Variants in LOXHD1 observed in about 807,000 individuals in gnomAD.
LOXHD1 encodes the protein lipoxygenase homology PLAT domains 1, also known as lipoxygenase homology domain-containing protein 1.
LOXHD1 carries 205 observed loss-of-function variants against 248.2 expected under a neutral mutation model. That is an observed-to-expected ratio of 0.83 (90% CI 0.74 to 0.93). The LOEUF is 0.93. Among genes scored for constraint, LOXHD1 ranks in the 40% least tolerant of loss-of-function variants. LOXHD1 has a pLI of 0.00. For missense variants in LOXHD1, 2,930 were observed against 2,971.6 expected (o/e 0.99, Z 0.33); for synonymous variants, 1,113 against 1,162.8 (o/e 0.96, Z 0.87).
intron 5 of LOXHD1, among the ~76,000 whole-genome samples, chr18:46,613,483 A>T (rs1378758930): frequency 6.6e-6 from 1 of 152,036 alleles, no homozygotes; most frequent in East Asian, 1.9e-4. Context: ...TTTGTAGATG[A>T]TCATTATTTT....
chr18:46,639,764 C>A lies in LOXHD1; in HGVS notation c.363G>T (p.Trp121Cys). ...EHDNTGLNAS[W>C]YLDHVIVTDM... ...CGGTCACAATCACATGGTCCAGGTA[C>A]CAGCTGGCATTCAAGCCCGTGTTGT... Residue 121 changes from tryptophan to cysteine, a missense_variant, in exon 4 of 41, where the codon TGG (tryptophan) becomes TGT (cysteine). By Grantham distance (215) the Trp-to-Cys change is radical. Coordinates refer to ENST00000642948, the MANE Select transcript of LOXHD1 (RefSeq NM_001384474.1). 6.4e-7 allele frequency: 1 copy of A among 1,551,712 alleles called. No individual in the cohort carries two copies. Among genetic ancestry groups the A allele is most frequent in the Non-Finnish European group, 8.7e-7 (1 of 1,146,996 alleles).
chr18:46,569,432 G>A lies in LOXHD1; in HGVS notation c.2244+10C>T, dbSNP rs1361370259. 1 of 1,550,658 alleles carries A rather than the reference G, an allele frequency of 6.4e-7. No homozygotes were observed. The highest frequency in any genetic ancestry group is 1.4e-5 in the African/African-American group (1 of 73,142). ...GGATGATGTCACATGGTCTTGGGAA[G>A]GAGACTTACATTTCCAATGTTCAGG... On this transcript the variant is annotated intron_variant, in intron 16 of 40. Coordinates refer to ENST00000642948, the MANE Select transcript of LOXHD1 (RefSeq NM_001384474.1).
chr18:46,581,165 A>G (rs1282534267), intron 12 of LOXHD1, among the ~76,000 whole-genome samples: 6 of 152,230 alleles, frequency 3.9e-5, no homozygotes, highest in African/African-American at 7.2e-5. Context: ...GTCAGTTAGC[A>G]GAATAATTAC....
At chr18:46,503,858 C>T (rs940283711) in intron 37 of LOXHD1, among the ~76,000 whole-genome samples, 40 of 152,092 alleles carry the variant, frequency 2.6e-4, no homozygotes, top group African/African-American at 8.7e-4. Flanking sequence ...TTCTTGACCA[C>T]CTGACACAGT....
chr18:46,618,529 C>T (rs1003503889), intron 4 of LOXHD1, among the ~76,000 whole-genome samples: 7 of 152,162 alleles, frequency 4.6e-5, no homozygotes, highest in Non-Finnish European at 7.3e-5. Context: ...ACATTAGTTC[C>T]AAATGGCCAT....
At chr18:46,543,890 T>A (rs2036678414) in intron 23 of LOXHD1, among the ~76,000 whole-genome samples, 1 of 152,122 alleles carries the variant, frequency 6.6e-6, no homozygotes, top group Non-Finnish European at 1.5e-5. Flanking sequence ...CCTTCAGGGA[T>A]GGGACATGTG....
At chr18:46,583,229 CAG>C (rs1324271489) in intron 12 of LOXHD1, among the ~76,000 whole-genome samples, 1 of 152,020 alleles carries the variant, frequency 6.6e-6, no homozygotes, top group African/African-American at 2.4e-5. Flanking sequence ...TAGAAGAAAA[CAG>C]AGGAAATTCT....
rs1443415540 is a variant in LOXHD1, at chr18:46,479,171, T to G, written c.6342-1219A>C. Among the ~76,000 whole-genome samples, 6 of 151,980 alleles carry G rather than the reference T, an allele frequency of 3.9e-5. No homozygotes were observed. The East Asian group carries it at 1.2e-3, about 29-fold the overall frequency. ...GCAAAACCAAGTGGAAATATGACTA[T>G]TAAATGTACGCTCCCAGATCCCTTA... On this transcript the variant is annotated intron_variant, in intron 40 of 40. Coordinates refer to ENST00000642948, the MANE Select transcript of LOXHD1 (RefSeq NM_001384474.1).
intron 38 of LOXHD1, 144 bp from the exon 39 acceptor site, chr18:46,485,295 C>T (rs2032961888): frequency 6.0e-6 from 5 of 836,812 alleles, no homozygotes; most frequent in East Asian, 2.7e-5. Flanking sequence ...AAAAGCACCA[C>T]GATTGAGGCG....
intron 25 of LOXHD1, among the ~76,000 whole-genome samples, chr18:46,539,442 CAG>C (rs2036462189): frequency 6.7e-6 from 1 of 149,296 alleles, no homozygotes; most frequent in South Asian, 2.1e-4. Flanking sequence ...GCCTGGGTAA[CAG>C]AGTGAGACTC....
In LOXHD1 at chr18:46,577,810, T is replaced by C; in HGVS notation, c.1867A>G (p.Arg623Gly). 1.3e-6 allele frequency: 2 copies of C among 1,551,698 alleles called. No homozygotes were observed. Among genetic ancestry groups the C allele is most frequent in the South Asian group, 1.2e-5 (1 of 84,060 alleles). The stretch of plus-strand genomic sequence containing the variant: ...CTGCCGGAGCCTTTGCCATCGTGTC[T>C]GATCCTCACCCGCCTCACATTCCGC... ...TMRNVRRVRI[R>G]HDGKGSGSGW... The change falls in exon 14 of 41, where the codon AGA becomes GGA. Residue 623 changes from arginine to glycine, a missense_variant. By Grantham distance (125) the Arg-to-Gly change is moderately radical. Coordinates refer to ENST00000642948, the MANE Select transcript of LOXHD1 (RefSeq NM_001384474.1).
chr18:46,510,526 A>G (rs911416168), intron 34 of LOXHD1, among the ~76,000 whole-genome samples: 7 of 152,210 alleles, frequency 4.6e-5, no homozygotes, highest in East Asian at 1.9e-4. Flanking sequence ...TCGACCTTCA[A>G]TGCTGACTGA....
At position 46,588,800 on chromosome 18, in the gene LOXHD1, G is replaced by A. The variant is rs148611563; in HGVS notation, c.1654+3133C>T. Among the ~76,000 whole-genome samples the A allele has an allele frequency of 8.1e-3, 1,236 of 152,264 alleles. 10 individuals are homozygous for A. Among genetic ancestry groups the A allele is most frequent in the South Asian group, 0.023 (110 of 4,820 alleles). On this transcript the variant is annotated intron_variant, in intron 12 of 40. Transcript: ENST00000642948. ...CCACTGGAGGTCTGATTGTAGGTTTGTCTCTCCGTTCCATCCTCCACCCAT... is the reference window on the plus strand; with the variant it reads ...CCACTGGAGGTCTGATTGTAGGTTTATCTCTCCGTTCCATCCTCCACCCAT...
intron 12 of LOXHD1, among the ~76,000 whole-genome samples, chr18:46,583,666 G>T (rs139185180): frequency 8.2e-4 from 124 of 152,056 alleles, no homozygotes; most frequent in Middle Eastern, 6.8e-3. Context: ...AGTTAGAATG[G>T]CCATCATCAA....
At position 46,485,441 on chromosome 18, in the gene LOXHD1, G is replaced by A. The variant is rs140875544; in HGVS notation, c.6050-290C>T. Among the ~76,000 whole-genome samples the A allele has an allele frequency of 1.9e-3, 288 of 152,214 alleles. 1 individual carries two copies. The highest frequency in any genetic ancestry group is 6.7e-3 in the African/African-American group (278 of 41,510). On this transcript the variant is annotated intron_variant, in intron 38 of 40. Transcript: ENST00000642948. ...GGTGGGGCTGAACATTCAGCTACAG[G>A]GGTGAGATGCAAAATGGAGATTGGT...
chr18:46,563,933 T>A (rs1025944997), intron 17 of LOXHD1, among the ~76,000 whole-genome samples: 3 of 151,740 alleles, frequency 2.0e-5, no homozygotes, highest in Non-Finnish European at 2.9e-5. Context: ...GAGCGATCCA[T>A]CGAAAAAGGA....
rs1161005620 is a variant in LOXHD1 at position 46,592,582 on chromosome 18, A to T, written c.1434T>A (p.Ile478=). 1.3e-6 allele frequency: 2 copies of T among 1,551,070 alleles called. No individual in the cohort carries two copies. The highest frequency in any genetic ancestry group is 1.7e-6 in the Non-Finnish European group (2 of 1,146,540). Residue 478 remains isoleucine (I), a splice_region_variant and synonymous_variant, in exon 11 of 41, where the codon ATT becomes ATA. Transcript: ENST00000642948. ...FKPGIIEKFR[I]ELPDLGRFYK... ...AAAACCTGCCAAGATCCGGGAGCTC[A>T]ATCTATGGTGAGAAATAAAAACATT... is the stretch of plus-strand genomic sequence containing the variant.
At chr18:46,534,118 C>A (rs1184298097) in intron 27 of LOXHD1, among the ~76,000 whole-genome samples, 1 of 152,058 alleles carries the variant, frequency 6.6e-6, no homozygotes, top group Non-Finnish European at 1.5e-5. Flanking sequence ...AGAAACATGC[C>A]CAGACCCTCC....
chr18:46,505,723 A>C, intron 37 of LOXHD1, 115 bp downstream of exon 37: 1 of 1,085,792 alleles, frequency 9.2e-7, no homozygotes, highest in Non-Finnish European at 1.3e-6. Flanking sequence ...AACTGTGTTC[A>C]GTTTTCTGCC....
Sources: allele counts gnomAD v4.1 joint callset (sites outside exome capture counted in the v4.1 genomes callset), GRCh38; gene constraint gnomAD v4.1.1; transcripts MANE v1.5; gene names NCBI Gene and HGNC (gene_info 2026-07-23, HGNC 2026-07-21).